ADGRB3: variants seen among roughly 807,000 people sequenced by gnomAD.
The protein encoded by ADGRB3 is brain-specific angiogenesis inhibitor 3.
In ADGRB3, 37 loss-of-function variants were observed where a neutral mutation model predicts 193.4. The observed-to-expected ratio is 0.19, with a 90% confidence interval of 0.15 to 0.25. The LOEUF is 0.25. Ranked by LOEUF, ADGRB3 falls within the 10% of genes least tolerant of loss-of-function variation. The probability of loss-of-function intolerance (pLI) is 1.00; values close to 1 mark genes in which losing one functional copy is unlikely to be tolerated. For synonymous variants in ADGRB3, 690 were observed against 644.2 expected (o/e 1.07, Z -1.08); for missense variants, 1,637 against 1,852.9 (o/e 0.88, Z 2.14).
chr6:68,979,624 G>A (rs1768849982), intron 10 of ADGRB3, among the ~76,000 whole-genome samples: 1 of 151,280 alleles, frequency 6.6e-6, no homozygotes, highest in Admixed American at 6.6e-5. Context: ...TTGATACTCT[G>A]GAGTATTTTT....
At chr6:68,775,214 T>C (rs981442171) in intron 3 of ADGRB3, among the ~76,000 whole-genome samples, 7 of 151,128 alleles carry the variant, frequency 4.6e-5, no homozygotes, top group African/African-American at 1.7e-4. Context: ...CAGTCTGCAT[T>C]TCCCAGTGGC....
At chr6:68,859,178 A>G (rs926164834) in intron 3 of ADGRB3, among the ~76,000 whole-genome samples, 3 of 152,224 alleles carry the variant, frequency 2.0e-5, no homozygotes, top group African/African-American at 7.2e-5. Context: ...CTCTTTGTAT[A>G]GCAAGCATGA....
chr6:69,365,596 CAGTT>C (rs1287744004), intron 29 of ADGRB3, among the ~76,000 whole-genome samples: 2 of 151,998 alleles, frequency 1.3e-5, no homozygotes, highest in African/African-American at 2.4e-5. Flanking sequence ...TAACTGATAA[CAGTT>C]AGATAGTACA....
At chr6:69,241,458 C>T (rs1289633858) in intron 20 of ADGRB3, among the ~76,000 whole-genome samples, 1 of 151,760 alleles carries the variant, frequency 6.6e-6, no homozygotes, top group South Asian at 2.1e-4. Context: ...TTTCAAATGT[C>T]CAATGGCTAC....
chr6:69,063,053 G>T lies in ADGRB3; in HGVS notation c.2436+17G>T. On this transcript the variant is annotated intron_variant, in intron 16 of 31. Coordinates refer to ENST00000370598, the MANE Select transcript of ADGRB3 (RefSeq NM_001704.3). ...TTGGCTAATGTAAGTACCATCCACT[G>T]GGCACTGACTTGCTTATGGAATTAC... The T allele has an allele frequency of 6.4e-7, 1 of 1,560,446 alleles. No homozygotes were observed. Among genetic ancestry groups the T allele is most frequent in the Non-Finnish European group, 8.8e-7 (1 of 1,132,540 alleles).
At chr6:68,859,118 TCAAGTTC>T (rs1295649144) in intron 3 of ADGRB3, among the ~76,000 whole-genome samples, 1 of 152,222 alleles carries the variant, frequency 6.6e-6, no homozygotes, top group African/African-American at 2.4e-5. Context: ...ATTATCTTTC[TCAAGTTC>T]CAAGTTCCAC....
At chr6:69,133,981 C>A (rs1414116991) in intron 17 of ADGRB3, among the ~76,000 whole-genome samples, 1 of 152,108 alleles carries the variant, frequency 6.6e-6, no homozygotes, top group African/African-American at 2.4e-5. Context: ...ATTATGTTCT[C>A]CATCTCCATC....
intron 8 of ADGRB3, among the ~76,000 whole-genome samples, chr6:68,961,226 T>C (rs562318326): frequency 4.1e-4 from 63 of 152,250 alleles, no homozygotes; most frequent in Non-Finnish European, 7.8e-4. Context: ...TTAGTCATTA[T>C]CCAACTCTCA....
At chr6:69,282,586 C>T (rs1767458884) in intron 20 of ADGRB3, among the ~76,000 whole-genome samples, 1 of 151,982 alleles carries the variant, frequency 6.6e-6, no homozygotes, top group African/African-American at 2.4e-5. Flanking sequence ...TTTGTTGTTT[C>T]GTTTGTTTTT....
chr6:68,772,894 AATATATAT>A (rs1208790675), intron 3 of ADGRB3, among the ~76,000 whole-genome samples: 69 of 22,860 alleles, frequency 3.0e-3, no homozygotes, highest in East Asian at 0.016. Context: ...AAAAAAAAAA[AATATATAT>A]ATATATATAT....
At chr6:68,665,203 T>C in intron 3 of ADGRB3, among the ~76,000 whole-genome samples, 1 of 151,752 alleles carries the variant, frequency 6.6e-6, no homozygotes, top group East Asian at 1.9e-4. Context: ...GAGAAACTTC[T>C]CTAGTAACAA....
chr6:69,018,340 C>T, intron 12 of ADGRB3, 51 bp from the exon 13 acceptor site: 1 of 1,166,026 alleles, frequency 8.6e-7, no homozygotes, highest in Non-Finnish European at 1.2e-6. Flanking sequence ...TTATATATGC[C>T]ATTGTATGTA....
At chr6:68,681,700 A>C (rs1356584482) in intron 3 of ADGRB3, among the ~76,000 whole-genome samples, 1 of 150,704 alleles carries the variant, frequency 6.6e-6, no homozygotes, top group East Asian at 1.9e-4. Context: ...CTACACAAGC[A>C]AATCATAACA....
chr6:68,841,870 G>T (rs1418283906), intron 3 of ADGRB3, among the ~76,000 whole-genome samples: 1 of 152,094 alleles, frequency 6.6e-6, no homozygotes, highest in Non-Finnish European at 1.5e-5. Flanking sequence ...GCTAGGAAGG[G>T]TAGTGAGGGT....
intron 13 of ADGRB3, 91 bp from the exon 14 acceptor site, chr6:69,048,094 T>C: frequency 7.6e-7 from 1 of 1,322,288 alleles, no homozygotes; most frequent in Non-Finnish European, 1.0e-6. Flanking sequence ...AAATTTTATT[T>C]TGAATATACT....
At chr6:68,686,873 A>G (rs1392826443) in intron 3 of ADGRB3, among the ~76,000 whole-genome samples, 1 of 152,182 alleles carries the variant, frequency 6.6e-6, no homozygotes, top group Non-Finnish European at 1.5e-5. Context: ...CAGTGATTTC[A>G]GATAATATAT....
chr6:69,083,654 T>C (rs1386019756), intron 17 of ADGRB3, among the ~76,000 whole-genome samples: 5 of 152,134 alleles, frequency 3.3e-5, no homozygotes, highest in African/African-American at 1.2e-4. Flanking sequence ...TTTGACTGAC[T>C]TACTCCAAGA....
chr6:69,382,087 G>T (rs1202946480), intron 30 of ADGRB3, among the ~76,000 whole-genome samples: 1 of 151,852 alleles, frequency 6.6e-6, no homozygotes, highest in Admixed American at 6.6e-5. Context: ...TCCATTTGTT[G>T]AGTTATGGTG....
intron 15 of ADGRB3, among the ~76,000 whole-genome samples, chr6:69,059,166 G>A (rs1771640356): frequency 6.6e-6 from 1 of 151,904 alleles, no homozygotes; most frequent in South Asian, 2.1e-4. Context: ...ATTTATAATT[G>A]TTATACCTCC....
Sources: gnomAD v4.1 joint callset for allele counts (sites outside exome capture counted in the v4.1 genomes callset) on GRCh38, gnomAD v4.1.1 for gene constraint, MANE v1.5 for transcripts, NCBI Gene and HGNC (gene_info 2026-07-23, HGNC 2026-07-21) for gene names.